The following NRG2 variants were observed in gnomAD, a reference collection of about 807,000 sequenced individuals.
NRG2 encodes the protein neuregulin 2.
Under a neutral mutation model 73.9 loss-of-function variants are expected in NRG2, and 27 were observed. The ratio of observed to expected loss-of-function variants is 0.37; its 90% CI spans 0.27 to 0.50. NRG2 has a LOEUF of 0.50. Ranked by LOEUF, NRG2 falls within the 20% of genes least tolerant of loss-of-function variation. The pLI, the probability that NRG2 is intolerant of heterozygous loss-of-function variation, is 0.96. For missense variants in NRG2, 1,126 were observed against 1,210.1 expected (o/e 0.93, Z 1.03); for synonymous variants, 532 against 541.0 (o/e 0.98, Z 0.23).
intron 9 of NRG2, among the ~76,000 whole-genome samples, chr5:139,849,556 C>A (rs551921681): frequency 6.6e-6 from 1 of 152,268 alleles, no homozygotes; most frequent in South Asian, 2.1e-4. Flanking sequence ...TGCTCCACAT[C>A]CCCCTTGTAA....
At chr5:139,854,580 C>T (rs114685161) in intron 6 of NRG2, among the ~76,000 whole-genome samples, 1,622 of 152,286 alleles carry the variant, frequency 0.011, 21 homozygotes, top group African/African-American at 0.037. Context: ...CTCACTGGGC[C>T]CCAACTCCCT....
chr5:139,926,413 TCA>T (rs1208967059), intron 1 of NRG2, among the ~76,000 whole-genome samples: 4 of 151,926 alleles, frequency 2.6e-5, no homozygotes, highest in Admixed American at 1.3e-4. Flanking sequence ...ATGGTCGTGC[TCA>T]GTGGCATCTG....
rs1355854045 is a variant in NRG2 at position 139,853,540 on chromosome 5, T to C, written c.1293-513A>G. ...CCTGCAGGCCAGTAGAGGAAGCAGA[T>C]GGTAAACACATAAACAAAGCAATGA... On this transcript the variant is annotated intron_variant, in intron 6 of 9. Coordinates refer to ENST00000361474, the MANE Select transcript of NRG2 (RefSeq NM_004883.3). This position sits in a 1 kb window ranked among gnomAD's most constrained non-coding sequence, Gnocchi z 4.1. Among the ~76,000 whole-genome samples the C allele has an allele frequency of 6.6e-6, 1 of 152,142 alleles. No homozygotes were observed. Among genetic ancestry groups the C allele is most frequent in the East Asian group, 1.9e-4 (1 of 5,202 alleles).
intron 2 of NRG2, among the ~76,000 whole-genome samples, chr5:139,886,695 C>A (rs1763894406): frequency 6.6e-6 from 1 of 152,188 alleles, no homozygotes; most frequent in Non-Finnish European, 1.5e-5. Flanking sequence ...CAGAAGCCCC[C>A]TGCCTGACCC....
intron 1 of NRG2, among the ~76,000 whole-genome samples, chr5:140,004,948 A>T (rs1234395321): frequency 6.6e-6 from 1 of 152,216 alleles, no homozygotes; most frequent in Non-Finnish European, 1.5e-5. Flanking sequence ...TTTTCTGTGA[A>T]TCTAAAATTA....
intron 1 of NRG2, among the ~76,000 whole-genome samples, chr5:139,964,582 G>T (rs1170072280): frequency 6.6e-6 from 1 of 152,180 alleles, no homozygotes; most frequent in Non-Finnish European, 1.5e-5. Context: ...CACAAACATT[G>T]TCACATGCAT....
At position 139,853,138 on chromosome 5, in the gene NRG2, G is replaced by A; in HGVS notation, c.1293-111C>T. Reference sequence around the variant, plus strand: ...TTTTCCTCCTGCCCAGGGTGGCCATGGCTACTGCTCGTCCCTGTACTCAAG... The same window carrying A: ...TTTTCCTCCTGCCCAGGGTGGCCATAGCTACTGCTCGTCCCTGTACTCAAG... On this transcript the variant is annotated intron_variant, in intron 6 of 9. Coordinates refer to ENST00000361474, the MANE Select transcript of NRG2 (RefSeq NM_004883.3). The surrounding 1 kb of genome is among the most constrained non-coding windows in gnomAD (Gnocchi z 4.1). The A allele has an allele frequency of 3.4e-6, 5 of 1,459,162 alleles. No individual in the cohort carries two copies. Among genetic ancestry groups the A allele is most frequent in the Non-Finnish European group, 4.7e-6 (5 of 1,067,726 alleles). The allele number at this position is 1,459,162 out of a possible 1,614,324, so 90.4% of individuals were successfully genotyped here.
At chr5:139,902,162 G>A (rs1174472883) in intron 1 of NRG2, among the ~76,000 whole-genome samples, 5 of 152,180 alleles carry the variant, frequency 3.3e-5, no homozygotes, top group Non-Finnish European at 4.4e-5. Context: ...CCCCAGCACC[G>A]CTGCCAAGGC....
intron 1 of NRG2, among the ~76,000 whole-genome samples, chr5:140,002,020 C>CA (rs1298378313): frequency 1.3e-5 from 2 of 151,804 alleles, no homozygotes; most frequent in African/African-American, 2.4e-5. Context: ...CCTGTCTCTA[C>CA]AAAAAATAAA....
intron 1 of NRG2, among the ~76,000 whole-genome samples, chr5:140,016,121 GC>G (rs1447110701): frequency 1.3e-5 from 2 of 152,144 alleles, no homozygotes; most frequent in African/African-American, 2.4e-5. Flanking sequence ...GAAGCAACAG[GC>G]CTTCCTGACT....
intron 1 of NRG2, among the ~76,000 whole-genome samples, chr5:139,901,522 C>T (rs1331161837): frequency 2.0e-5 from 3 of 152,126 alleles, no homozygotes; most frequent in African/African-American, 4.8e-5. Context: ...CCTGGACAGC[C>T]TAAAGAAGGG....
rs148845915 is a variant in NRG2, at chr5:139,954,378, A to G, written c.701-66867T>C. On this transcript the variant is annotated intron_variant, in intron 1 of 9. Transcript: ENST00000361474. This position sits in a 1 kb window ranked among gnomAD's most constrained non-coding sequence, Gnocchi z 5.0. Reference sequence around the variant, plus strand: ...GACAATGATGAAAAGGAAGAATGAAATGACTGGAGGGGCAGGAAGGGAGGG... The same window carrying G: ...GACAATGATGAAAAGGAAGAATGAAGTGACTGGAGGGGCAGGAAGGGAGGG... 5.1e-3 allele frequency among the ~76,000 whole-genome samples: 773 copies of G among 152,180 alleles called. 4 individuals carry two copies. Among genetic ancestry groups the G allele is most frequent in the South Asian group, 7.5e-3 (36 of 4,818 alleles).
intron 1 of NRG2, among the ~76,000 whole-genome samples, chr5:139,968,478 C>G (rs1755720899): frequency 1.3e-5 from 2 of 152,134 alleles, no homozygotes; most frequent in Admixed American, 6.5e-5. Flanking sequence ...TGGACTTCAT[C>G]TTGTTTGTGT....
chr5:139,924,064 C>T (rs1751871260), intron 1 of NRG2, among the ~76,000 whole-genome samples: 1 of 152,174 alleles, frequency 6.6e-6, no homozygotes, highest in African/African-American at 2.4e-5. Flanking sequence ...GCAAACCTGG[C>T]CTGGTCCAGC....
chr5:139,923,622 C>T (rs900420775), intron 1 of NRG2, among the ~76,000 whole-genome samples: 15 of 152,170 alleles, frequency 9.9e-5, no homozygotes, highest in Non-Finnish European at 1.9e-4. Flanking sequence ...ATGTCCTATA[C>T]CTGTGTTCAA....
chr5:139,913,407 T>A (rs1327474752), intron 1 of NRG2, among the ~76,000 whole-genome samples: 1 of 152,178 alleles, frequency 6.6e-6, no homozygotes, highest in Non-Finnish European at 1.5e-5. Context: ...TTGCTTGCAT[T>A]GTTTTGGGTT....
rs146796909 is a variant in NRG2 at position 140,022,136 on chromosome 5, C to T, written c.700+20234G>A. On this transcript the variant is annotated intron_variant, in intron 1 of 9. Transcript: ENST00000361474. ...TAGTTCAGGTTTGCAGAACTAGGTA[C>T]TGAACTAGGCATTGTACAGTGTGCT... Among the ~76,000 whole-genome samples, 242 of 152,316 alleles carry T rather than the reference C, an allele frequency of 1.6e-3. 1 individual carries two copies. The highest frequency in any genetic ancestry group is 5.6e-3 in the African/African-American group (233 of 41,582).
At chr5:139,944,298 T>C (rs956874533) in intron 1 of NRG2, among the ~76,000 whole-genome samples, 1 of 152,188 alleles carries the variant, frequency 6.6e-6, no homozygotes, top group African/African-American at 2.4e-5. Flanking sequence ...TTTGAAACTA[T>C]ATATTATTAT....
At position 139,848,118 on chromosome 5, in the gene NRG2, C is replaced by A; in HGVS notation, c.2352G>T (p.Ala784=). ...ASASDDDADD[A]DGALAAESTP... ...TGCTCTCGGCCGCCAGCGCCCCGTC[C>A]GCGTCGTCCGCGTCGTCGTCCGACG... Residue 784 remains alanine, a synonymous_variant, in exon 10 of 10, where the codon GCG becomes GCT. Coordinates refer to ENST00000361474, the MANE Select transcript of NRG2 (RefSeq NM_004883.3). 6.8e-7 allele frequency: 1 copy of A among 1,471,470 alleles called. No individual in the cohort carries two copies. The highest frequency in any genetic ancestry group is 8.9e-7 in the Non-Finnish European group (1 of 1,119,058). The allele number at this position is 1,471,470 out of a possible 1,614,324, so 91.2% of individuals were successfully genotyped here.
Sources: allele counts gnomAD v4.1 joint callset (sites outside exome capture counted in the v4.1 genomes callset), GRCh38; gene constraint gnomAD v4.1.1; non-coding constraint Gnocchi (gnomAD v3.1); transcripts MANE v1.5; gene names NCBI Gene and HGNC (gene_info 2026-07-23, HGNC 2026-07-21).